The following SNRNP48 variants were observed in gnomAD, a reference collection of about 807,000 sequenced individuals.
SNRNP48 encodes the protein small nuclear ribonucleoprotein U11/U12 subunit 48.
SNRNP48 carries 43 observed loss-of-function variants against 47.0 expected under a neutral mutation model. The ratio of observed to expected loss-of-function variants is 0.92; its 90% CI spans 0.72 to 1.18. The LOEUF (loss-of-function observed/expected upper bound fraction) is 1.18, where lower values mean the gene tolerates loss of function less well. SNRNP48 is among the 50% of genes most tolerant of loss of function. The probability of loss-of-function intolerance (pLI) is 0.00; values close to 1 mark genes in which losing one functional copy is unlikely to be tolerated. For missense variants in SNRNP48, 396 were observed against 422.2 expected (o/e 0.94, Z 0.54); for synonymous variants, 138 against 144.0 (o/e 0.96, Z 0.30).
chr6:7,608,163 G>C (rs974068323), intron 8 of SNRNP48, among the ~76,000 whole-genome samples: 53 of 152,148 alleles, frequency 3.5e-4, no homozygotes, highest in African/African-American at 1.2e-3. Context: ...CTGAATTATA[G>C]GGACTTTGTT....
chr6:7,590,957 G>A (rs1387850254), intron 1 of SNRNP48, among the ~76,000 whole-genome samples: 2 of 152,196 alleles, frequency 1.3e-5, no homozygotes, highest in Non-Finnish European at 2.9e-5. Flanking sequence ...CAGCCTGGGC[G>A]ACAGAGCAAG....
intron 4 of SNRNP48, among the ~76,000 whole-genome samples, chr6:7,599,010 T>C (rs958089308): frequency 6.6e-6 from 1 of 152,168 alleles, no homozygotes; most frequent in African/African-American, 2.4e-5. Context: ...GGCCATGATA[T>C]GAAGATCAGT....
intron 4 of SNRNP48, 103 bp downstream of exon 4, chr6:7,595,204 A>G (rs1759882720): frequency 1.0e-6 from 1 of 957,198 alleles, no homozygotes; most frequent in Non-Finnish European, 1.5e-6. Context: ...AAACTGTTAC[A>G]TGGGAAAGGT....
chr6:7,603,497 T>C (rs967301798), intron 6 of SNRNP48, among the ~76,000 whole-genome samples: 1 of 152,342 alleles, frequency 6.6e-6, no homozygotes, highest in African/African-American at 2.4e-5. Flanking sequence ...TTCCCAAGCA[T>C]TTCTTTTGCT....
Position 7,605,475 on chromosome 6 carries a change from T to C in SNRNP48, c.795T>C (p.Asp265=), listed in dbSNP as rs781737713. 1.4e-5 allele frequency: 22 copies of C among 1,614,008 alleles called. No individual in the cohort carries two copies. The highest frequency in any genetic ancestry group is 1.9e-5 in the Non-Finnish European group (22 of 1,179,916). Reference sequence around the variant, plus strand: ...AAGAAGAGCAAGAGAAGGCAGAGGATGATGCCGAAAAGTACGTCATTATCT... The same window carrying C: ...AAGAAGAGCAAGAGAAGGCAGAGGACGATGCCGAAAAGTACGTCATTATCT... ...HWQEEQEKAE[D]DAEKNEERRS... The change falls in exon 7 of 9, where the codon GAT becomes GAC. Residue 265 remains aspartate (D), a synonymous_variant. Coordinates refer to ENST00000342415, the MANE Select transcript of SNRNP48 (RefSeq NM_152551.4).
chr6:7,591,214 A>G (rs1163428776), intron 1 of SNRNP48, among the ~76,000 whole-genome samples: 1 of 152,200 alleles, frequency 6.6e-6, no homozygotes, highest in Non-Finnish European at 1.5e-5. Context: ...CTGGGACAGC[A>G]CCAATTCTAG....
At chr6:7,608,418 G>T (rs553132142) in intron 8 of SNRNP48, among the ~76,000 whole-genome samples, 211 of 152,166 alleles carry the variant, frequency 1.4e-3, no homozygotes, top group Non-Finnish European at 1.7e-3. Context: ...ATAGCCAGGT[G>T]TGGTGGTTCG....
chr6:7,594,090 T>C lies in SNRNP48; in HGVS notation c.271-9T>C. 7.1e-7 allele frequency: 1 copy of C among 1,416,922 alleles called. No homozygotes were observed. The highest frequency in any genetic ancestry group is 9.5e-7 in the Non-Finnish European group (1 of 1,048,720). The allele number at this position is 1,416,922 out of a possible 1,614,324, so 87.8% of individuals were successfully genotyped here. A position where few individuals can be genotyped will look rare whatever the true frequency, so the allele number is the denominator to read the frequency against. ...GATACTTAAGAACAGTAAGATTCTT[T>C]TTTTTCAGGATGAAATGTATAATCC... On this transcript the variant is annotated splice_polypyrimidine_tract_variant and intron_variant, in intron 2 of 8. Coordinates refer to ENST00000342415, the MANE Select transcript of SNRNP48 (RefSeq NM_152551.4).
At chr6:7,600,325 T>A (rs975256662) in intron 4 of SNRNP48, 1 of 406,590 alleles carries the variant, frequency 2.5e-6, no homozygotes, top group Admixed American at 6.4e-5. Context: ...ACCTAGGAAC[T>A]TAATGAGGTT....
chr6:7,591,259 G>A (rs916940118), intron 1 of SNRNP48, among the ~76,000 whole-genome samples: 2 of 152,192 alleles, frequency 1.3e-5, no homozygotes, highest in Admixed American at 1.3e-4. Flanking sequence ...GGTGGTAACT[G>A]GCAACTCCTG....
chr6:7,593,982 C>T (rs1759861804), intron 2 of SNRNP48, 117 bp from the exon 3 acceptor site: 1 of 965,532 alleles, frequency 1.0e-6, no homozygotes, highest in Non-Finnish European at 1.5e-6. Context: ...TTGGTACTTG[C>T]CTAATTGCAC....
At chr6:7,602,959 A>G (rs1019205914) in intron 6 of SNRNP48, among the ~76,000 whole-genome samples, 8 of 152,212 alleles carry the variant, frequency 5.3e-5, no homozygotes, top group African/African-American at 1.9e-4. Context: ...GTACAATCTT[A>G]AAAGATATCT....
intron 5 of SNRNP48, 133 bp downstream of exon 5, chr6:7,601,657 A>T: frequency 1.1e-6 from 1 of 892,980 alleles, no homozygotes; most frequent in South Asian, 2.3e-5. Flanking sequence ...ATTGACATGA[A>T]GTTGGCCCTC....
intron 5 of SNRNP48, among the ~76,000 whole-genome samples, chr6:7,601,765 A>G (rs897078264): frequency 4.6e-5 from 7 of 152,200 alleles, no homozygotes; most frequent in African/African-American, 1.7e-4. Flanking sequence ...CTATACATGT[A>G]GAGACTTTTT....
intron 4 of SNRNP48, among the ~76,000 whole-genome samples, chr6:7,598,366 G>C (rs777873930): frequency 1.3e-5 from 2 of 151,892 alleles, no homozygotes. Flanking sequence ...GCTATGGTGC[G>C]TGCCTGTAAT....
intron 4 of SNRNP48, chr6:7,600,860 C>G (rs1389008531): frequency 6.6e-6 from 1 of 152,210 alleles, no homozygotes; most frequent in Non-Finnish European, 1.5e-5. Flanking sequence ...AGCTTGATGT[C>G]TCATACAAAA....
intron 4 of SNRNP48, among the ~76,000 whole-genome samples, chr6:7,595,944 A>G (rs781266558): frequency 7.2e-5 from 11 of 152,198 alleles, no homozygotes; most frequent in Non-Finnish European, 1.6e-4. Flanking sequence ...CTTTTAGGAA[A>G]TTGAAAGAAA....
At chr6:7,604,893 A>G (rs1192766643) in intron 6 of SNRNP48, among the ~76,000 whole-genome samples, 1 of 152,172 alleles carries the variant, frequency 6.6e-6, no homozygotes, top group East Asian at 1.9e-4. Flanking sequence ...ATCATTTGTA[A>G]ATAAGCTCTA....
rs775446925 is a variant in SNRNP48 at position 7,590,375 on chromosome 6, C to T, written c.118C>T (p.Leu40=). 4 of 1,360,830 alleles carry T rather than the reference C, an allele frequency of 2.9e-6. No homozygotes were observed. Among genetic ancestry groups the T allele is most frequent in the Non-Finnish European group, 3.8e-6 (4 of 1,044,478 alleles). 84.3% of individuals were successfully genotyped at this position (1,360,830 alleles called of 1,614,324 possible). A position where few individuals can be genotyped will look rare whatever the true frequency, so the allele number is the denominator to read the frequency against. The change falls in exon 1 of 9, where the codon CTA becomes TTA. Residue 40 remains leucine, a synonymous_variant. Transcript: ENST00000342415. ...GGTGACCGCGTCCCTGGGCTGGGAC[C>T]TAGATAGTCTGGATCCCGGGGAAGA... is the stretch of plus-strand genomic sequence containing the variant. ...EEVTASLGWD[L]DSLDPGEEEA...
Sources: gnomAD v4.1 joint callset for allele counts (sites outside exome capture counted in the v4.1 genomes callset) on GRCh38, gnomAD v4.1.1 for gene constraint, MANE v1.5 for transcripts, NCBI Gene and HGNC (gene_info 2026-07-23, HGNC 2026-07-21) for gene names.